The following THSD7B variants were observed in gnomAD, a reference collection of about 807,000 sequenced individuals.
THSD7B encodes thrombospondin type-1 domain-containing protein 7B.
A neutral mutation model predicts 213.6 loss-of-function variants in THSD7B; 138 were observed. The observed-to-expected ratio is 0.65, with a 90% CI of 0.56 to 0.74. The LOEUF is 0.74. Among genes scored for constraint, THSD7B ranks in the 30% least tolerant of loss-of-function variants. The pLI is 0.00. For missense variants in THSD7B, 1,931 were observed against 1,991.5 expected, an observed-to-expected ratio of 0.97 and a Z score of 0.58; for synonymous variants, 742 against 687.0, an observed-to-expected ratio of 1.08 and a Z score of -1.25.
At chr2:137,294,035 G>T (rs72975638) in intron 12 of THSD7B, among the ~76,000 whole-genome samples, 7,730 of 151,946 alleles carry the variant, frequency 0.051, 473 homozygotes, top group African/African-American at 0.14. Context: ...AAGGTCTGTC[G>T]TCCCTCTGCT....
intron 2 of THSD7B, among the ~76,000 whole-genome samples, chr2:136,972,380 G>A (rs1685419383): frequency 6.6e-6 from 1 of 152,104 alleles, no homozygotes; most frequent in Non-Finnish European, 1.5e-5. Flanking sequence ...TAGCGAATAG[G>A]CAGTAAGTAA....
At chr2:136,903,753 T>A (rs1479871237) in intron 2 of THSD7B, among the ~76,000 whole-genome samples, 1 of 152,176 alleles carries the variant, frequency 6.6e-6, no homozygotes, top group Non-Finnish European at 1.5e-5. Context: ...GGAGGTTGGG[T>A]ACACTTGTTA....
In THSD7B at chr2:136,930,494, G is replaced by C. The variant is rs538178434; in HGVS notation, c.139+48177G>C. ...TGGCAGAGGTTTGATCTCTATGACA[G>C]GCCATACAAAACCATGATTGGTTCT... On this transcript the variant is annotated intron_variant, in intron 2 of 27. Transcript: ENST00000409968. Among the ~76,000 whole-genome samples the C allele has an allele frequency of 2.0e-5, 3 of 152,312 alleles. No individual in the cohort carries two copies. In the East Asian group the frequency reaches 5.8e-4, roughly 29 times the overall value.
intron 5 of THSD7B, among the ~76,000 whole-genome samples, chr2:137,138,082 T>C (rs568368347): frequency 8.6e-5 from 13 of 152,036 alleles, no homozygotes; most frequent in Non-Finnish European, 1.3e-4. Context: ...TTTGTACAGA[T>C]GGGGTCCCAT....
intron 2 of THSD7B, among the ~76,000 whole-genome samples, chr2:136,976,672 C>G (rs7587475): frequency 7.3e-5 from 11 of 151,268 alleles, no homozygotes; most frequent in Admixed American, 2.6e-4. Context: ...CTCGCTCTGT[C>G]GCTCAGTGGT....
intron 2 of THSD7B, among the ~76,000 whole-genome samples, chr2:136,882,960 A>C (rs1683650000): frequency 6.6e-6 from 1 of 152,148 alleles, no homozygotes; most frequent in South Asian, 2.1e-4. Flanking sequence ...GTTAAATTTA[A>C]TTTCAGAGCC....
At chr2:137,054,343 C>T (rs1230971333) in intron 2 of THSD7B, among the ~76,000 whole-genome samples, 1 of 152,214 alleles carries the variant, frequency 6.6e-6, no homozygotes, top group Non-Finnish European at 1.5e-5. Flanking sequence ...TAATCTCTCT[C>T]ACAAAGTGGC....
At chr2:137,558,297 C>T (rs981257061) in intron 15 of THSD7B, among the ~76,000 whole-genome samples, 18 of 152,074 alleles carry the variant, frequency 1.2e-4, no homozygotes, top group African/African-American at 3.6e-4. Context: ...TGATGAACAT[C>T]GATGCAAAAA....
At chr2:136,810,697 C>A (rs903691968) in intron 1 of THSD7B, among the ~76,000 whole-genome samples, 1 of 152,136 alleles carries the variant, frequency 6.6e-6, no homozygotes, top group Non-Finnish European at 1.5e-5. Flanking sequence ...CATCCTTAGT[C>A]GTTATATAGT....
intron 2 of THSD7B, among the ~76,000 whole-genome samples, chr2:137,002,322 C>A (rs1686015151): frequency 1.3e-5 from 2 of 152,064 alleles, no homozygotes; most frequent in African/African-American, 4.8e-5. Context: ...TAAACCTTCT[C>A]ATGTTACAGA....
chr2:137,101,970 A>G (rs1302885186), intron 4 of THSD7B, among the ~76,000 whole-genome samples: 1 of 152,234 alleles, frequency 6.6e-6, no homozygotes, highest in African/African-American at 2.4e-5. Context: ...CAGCTTTAGC[A>G]GACTTAAACG....
At chr2:137,115,418 G>C (rs891256655) in intron 5 of THSD7B, 125 bp downstream of exon 5, 34 of 1,167,254 alleles carry the variant, frequency 2.9e-5, no homozygotes, top group Non-Finnish European at 3.6e-5. Flanking sequence ...TTATTTTGTT[G>C]ACCATTTGTA....
Position 137,564,713 on chromosome 2 carries a change from C to A in THSD7B, c.3272+1359C>A, listed in dbSNP as rs569711340. On this transcript the variant is annotated intron_variant, in intron 16 of 27. Transcript: ENST00000409968. ...CTTTAGGAGAATAAATTGCAATGGA[C>A]AGAATTGTGGAAGGTTGATTGAGGA... Among the ~76,000 whole-genome samples, 80 of 152,146 alleles carry A rather than the reference C, an allele frequency of 5.3e-4. 1 individual carries two copies. The highest frequency in any genetic ancestry group is 3.4e-3 in the Middle Eastern group (1 of 294).
chr2:137,003,828 G>A (rs983405664), intron 2 of THSD7B, among the ~76,000 whole-genome samples: 1 of 152,174 alleles, frequency 6.6e-6, no homozygotes, highest in Non-Finnish European at 1.5e-5. Flanking sequence ...AAGCATTGAA[G>A]TAAGTAACAA....
intron 26 of THSD7B, among the ~76,000 whole-genome samples, chr2:137,664,038 G>C (rs762281090): frequency 8.6e-5 from 13 of 152,032 alleles, no homozygotes; most frequent in Non-Finnish European, 1.8e-4. Context: ...ATTTTTAGTA[G>C]AGATGAGTTT....
intron 2 of THSD7B, among the ~76,000 whole-genome samples, chr2:136,915,883 C>T (rs888536304): frequency 1.3e-5 from 2 of 152,198 alleles, no homozygotes; most frequent in East Asian, 1.9e-4. Context: ...CCTGACAGTA[C>T]ATTTTCAGGT....
chr2:137,559,467 G>T (rs542769280), intron 15 of THSD7B, among the ~76,000 whole-genome samples: 12 of 152,276 alleles, frequency 7.9e-5, no homozygotes, highest in Non-Finnish European at 1.5e-4. Flanking sequence ...ATGGGGAAAG[G>T]ATTCCCTATT....
chr2:137,238,794 C>A (rs1408978491), intron 9 of THSD7B, among the ~76,000 whole-genome samples: 3 of 150,400 alleles, frequency 2.0e-5, no homozygotes, highest in Non-Finnish European at 3.0e-5. Context: ...ACCTCATGAT[C>A]CACCCGCCTC....
At chr2:136,835,978 G>A (rs1018520593) in intron 1 of THSD7B, among the ~76,000 whole-genome samples, 2 of 152,104 alleles carry the variant, frequency 1.3e-5, no homozygotes, top group Non-Finnish European at 2.9e-5. Flanking sequence ...GGAAGTTTGC[G>A]ACTACTCTTT....
Sources: gnomAD v4.1 joint callset for allele counts (sites outside exome capture counted in the v4.1 genomes callset) on GRCh38, gnomAD v4.1.1 for gene constraint, MANE v1.5 for transcripts, NCBI Gene and HGNC (gene_info 2026-07-23, HGNC 2026-07-21) for gene names.